Variants in BCL2 observed in about 807,000 individuals in gnomAD.
BCL2 encodes the protein BCL2 apoptosis regulator.
A neutral mutation model predicts 14.2 loss-of-function variants in BCL2; 1 was observed. The ratio of observed to expected loss-of-function variants is 0.07; its 90% CI spans 0.02 to 0.33. The LOEUF is 0.33. Among genes scored for constraint, BCL2 ranks in the 10% least tolerant of loss-of-function variants. The pLI is 0.99. For missense variants in BCL2, 247 were observed against 305.9 expected (o/e 0.81, Z 1.44); for synonymous variants, 151 against 137.2 (o/e 1.10, Z -0.70).
intron 2 of BCL2, among the ~76,000 whole-genome samples, chr18:63,214,040 T>C (rs1568236201): frequency 6.6e-6 from 1 of 152,194 alleles, no homozygotes; most frequent in Non-Finnish European, 1.5e-5. Flanking sequence ...GCCAAAATGA[T>C]GAGGCCAGGT....
intron 2 of BCL2, among the ~76,000 whole-genome samples, chr18:63,166,854 T>C (rs1050361277): frequency 1.3e-5 from 2 of 152,258 alleles, no homozygotes; most frequent in African/African-American, 4.8e-5. Flanking sequence ...TTGACTGATG[T>C]ACTTCCCTCC....
chr18:63,146,604 G>A (rs533471274), intron 2 of BCL2, among the ~76,000 whole-genome samples: 138 of 152,318 alleles, frequency 9.1e-4, no homozygotes, highest in African/African-American at 3.1e-3. Context: ...GAATAAAAAC[G>A]TCTAAATTTC....
chr18:63,148,735 T>C (rs1006982700), intron 2 of BCL2, among the ~76,000 whole-genome samples: 2 of 151,996 alleles, frequency 1.3e-5, no homozygotes, highest in Non-Finnish European at 2.9e-5. Flanking sequence ...TTCTCCTTAT[T>C]ATAGAGGTAT....
chr18:63,218,548 G>A (rs1308532947), intron 2 of BCL2, among the ~76,000 whole-genome samples: 1 of 116,204 alleles, frequency 8.6e-6, no homozygotes, highest in African/African-American at 3.2e-5. Flanking sequence ...AACCTCCCTG[G>A]AAATCCAGAG....
chr18:63,142,555 T>C (rs960497571), intron 2 of BCL2, among the ~76,000 whole-genome samples: 1 of 152,214 alleles, frequency 6.6e-6, no homozygotes, highest in South Asian at 2.1e-4. Flanking sequence ...CCCCAACGTA[T>C]AATAGTCTTA....
chr18:63,265,051 G>C (rs1911784953), intron 2 of BCL2, among the ~76,000 whole-genome samples: 1 of 152,194 alleles, frequency 6.6e-6, no homozygotes, highest in Admixed American at 6.5e-5. Context: ...GTGGCAAGTG[G>C]AGAAGCACCT....
rs1464690565 is a variant in BCL2 at position 63,149,658 on chromosome 18, C to T, written c.586-20899G>A. ...TCAAACTCTTTGCTTGATGTAATCG[C>T]CAATTTTCATTTCAGGCCTGAAAAA... On this transcript the variant is annotated intron_variant, in intron 2 of 2. Transcript: ENST00000333681. This position sits in a 1 kb window ranked among gnomAD's most constrained non-coding sequence, Gnocchi z 4.2. Among the ~76,000 whole-genome samples the T allele has an allele frequency of 6.6e-6, 1 of 152,084 alleles. No homozygotes were observed. The highest frequency in any genetic ancestry group is 2.4e-5 in the African/African-American group (1 of 41,402).
At chr18:63,205,810 G>A (rs1241902769) in intron 2 of BCL2, among the ~76,000 whole-genome samples, 1 of 152,066 alleles carries the variant, frequency 6.6e-6, no homozygotes, top group Non-Finnish European at 1.5e-5. Flanking sequence ...TAAGCCACCC[G>A]AATAAGTGGA....
chr18:63,181,943 G>A (rs1179405757), intron 2 of BCL2, among the ~76,000 whole-genome samples: 5 of 152,144 alleles, frequency 3.3e-5, no homozygotes, highest in Admixed American at 6.5e-5. Context: ...CAGGCACATC[G>A]TCCTTTTGCT....
In BCL2 at chr18:63,198,423, CACACACAGACACACACTG is replaced by C. The variant is rs562270194; in HGVS notation, c.586-69682_586-69665del. Among the ~76,000 whole-genome samples, 1,282 of 149,790 alleles carry C rather than the reference CACACACAGACACACACTG, an allele frequency of 8.6e-3. 10 individuals are homozygous for C. Among genetic ancestry groups the C allele is most frequent in the South Asian group, 0.013 (62 of 4,648 alleles). Reference sequence around the variant, plus strand: ...ACACAGACACACATAGACACAGAGACACACACAGACACACACTGACACACAGACACAGAGACACACACA... The same window carrying C: ...ACACAGACACACATAGACACAGAGACACACACAGACACAGAGACACACACA... On this transcript the variant is annotated intron_variant, in intron 2 of 2. Transcript: ENST00000333681.
chr18:63,221,766 T>TA (rs922169514), intron 2 of BCL2, among the ~76,000 whole-genome samples: 3 of 152,252 alleles, frequency 2.0e-5, no homozygotes, highest in African/African-American at 7.2e-5. Context: ...CTTGTATCCC[T>TA]AGCTCAGGAC....
chr18:63,313,307 A>G lies in BCL2; in HGVS notation c.585+4775T>C, dbSNP rs370649647. 7.1e-4 allele frequency among the ~76,000 whole-genome samples: 108 copies of G among 152,352 alleles called. 1 individual carries two copies. Among genetic ancestry groups the G allele is most frequent in the African/African-American group, 2.3e-3 (94 of 41,586 alleles). On this transcript the variant is annotated intron_variant, in intron 2 of 2. Transcript: ENST00000333681. ...CTGTGGAATAACTGTCAGTCCTTGG[A>G]TGATTTTCATCATTAATCCTGCTTA...
At chr18:63,230,068 CAATA>C (rs1225564441) in intron 2 of BCL2, among the ~76,000 whole-genome samples, 3 of 151,886 alleles carry the variant, frequency 2.0e-5, no homozygotes, top group Non-Finnish European at 4.4e-5. Context: ...ATTCTCTACC[CAATA>C]AATAGAGAAT....
At chr18:63,236,793 A>T (rs891166320) in intron 2 of BCL2, among the ~76,000 whole-genome samples, 1 of 152,154 alleles carries the variant, frequency 6.6e-6, no homozygotes, top group Non-Finnish European at 1.5e-5. Context: ...AATTAAGAAC[A>T]GGGCACTGCG....
At chr18:63,136,212 A>G (rs1914203002) in intron 2 of BCL2, among the ~76,000 whole-genome samples, 1 of 152,054 alleles carries the variant, frequency 6.6e-6, no homozygotes, top group African/African-American at 2.4e-5. Flanking sequence ...TACCACCCCT[A>G]TGATAATGTT....
intron 2 of BCL2, among the ~76,000 whole-genome samples, chr18:63,150,042 G>T (rs1914614479): frequency 1.3e-5 from 2 of 152,068 alleles, no homozygotes. Flanking sequence ...CGCCATGCCT[G>T]GCTAATTTTT....
chr18:63,254,389 A>C (rs1413039294), intron 2 of BCL2, among the ~76,000 whole-genome samples: 1 of 143,952 alleles, frequency 6.9e-6, no homozygotes, highest in Admixed American at 6.9e-5. Flanking sequence ...TTGCTAAAAA[A>C]AAAAAAAAAA....
chr18:63,157,961 C>A (rs1464922949), intron 2 of BCL2, among the ~76,000 whole-genome samples: 1 of 148,688 alleles, frequency 6.7e-6, no homozygotes, highest in Admixed American at 6.7e-5. Flanking sequence ...TTTTTTTTTT[C>A]TGAAGCCAAA....
intron 2 of BCL2, among the ~76,000 whole-genome samples, chr18:63,145,676 G>A (rs1914494134): frequency 6.6e-6 from 1 of 152,244 alleles, no homozygotes; most frequent in African/African-American, 2.4e-5. Flanking sequence ...TGCAAGGCAA[G>A]TTTGTGATTG....
Sources: gnomAD v4.1 joint callset for allele counts (sites outside exome capture counted in the v4.1 genomes callset) on GRCh38, gnomAD v4.1.1 for gene constraint, Gnocchi (gnomAD v3.1) non-coding constraint, MANE v1.5 for transcripts, NCBI Gene and HGNC (gene_info 2026-07-23, HGNC 2026-07-21) for gene names.